CACNA1G: variants seen among roughly 807,000 people sequenced by gnomAD.
The protein encoded by CACNA1G is voltage-dependent T-type calcium channel subunit alpha-1G.
CACNA1G carries 67 observed loss-of-function variants against 219.4 expected under a neutral mutation model. That is an observed-to-expected ratio of 0.31 (90% CI 0.25 to 0.37). The LOEUF (loss-of-function observed/expected upper bound fraction) is 0.37. Ranked by LOEUF, CACNA1G falls within the 10% of genes least tolerant of loss-of-function variation. CACNA1G has a pLI of 1.00. For missense variants in CACNA1G, 2,380 were observed against 3,231.4 expected, an observed-to-expected ratio of 0.74 and a Z score of 6.39; for synonymous variants, 1,296 against 1,345.3, an observed-to-expected ratio of 0.96 and a Z score of 0.80.
chr17:50,589,772 C>T (rs1306868525), intron 9 of CACNA1G, among the ~76,000 whole-genome samples: 1 of 152,122 alleles, frequency 6.6e-6, no homozygotes, highest in Non-Finnish European at 1.5e-5. Context: ...GAGGATTAAC[C>T]CGGGTGTCCC....
In CACNA1G at chr17:50,609,952, G is replaced by T; in HGVS notation, c.4759+17G>T. ...CTGCGTCAGGTACTGCGTCTGGGGTGTGGGCTCATGCGTGTGGGGACATGC... is the reference window on the plus strand; with the variant it reads ...CTGCGTCAGGTACTGCGTCTGGGGTTTGGGCTCATGCGTGTGGGGACATGC... On this transcript the variant is annotated intron_variant, in intron 26 of 37. Transcript: ENST00000359106. 6.2e-7 allele frequency: 1 copy of T among 1,606,498 alleles called. No homozygotes were observed. The highest frequency in any genetic ancestry group is 8.5e-7 in the Non-Finnish European group (1 of 1,177,672).
chr17:50,600,897 G>A lies in CACNA1G; in HGVS notation c.3791+71G>A, dbSNP rs1297686558. On this transcript the variant is annotated intron_variant, in intron 18 of 37. Transcript: ENST00000359106. This position sits in a 1 kb window ranked among gnomAD's most constrained non-coding sequence, Gnocchi z 4.1. Reference sequence around the variant, plus strand: ...CTCACGGGAAATTACCGCTGGTGATGCTGTCAGGGATTTGAGAAGTGGCAC... The same window carrying A: ...CTCACGGGAAATTACCGCTGGTGATACTGTCAGGGATTTGAGAAGTGGCAC... 2 of 1,568,414 alleles carry A rather than the reference G, an allele frequency of 1.3e-6. No individual in the cohort carries two copies. The highest frequency in any genetic ancestry group is 1.1e-5 in the South Asian group (1 of 90,114).
chr17:50,587,287 T>A (rs553832842), intron 9 of CACNA1G, among the ~76,000 whole-genome samples: 5 of 152,244 alleles, frequency 3.3e-5, no homozygotes, highest in African/African-American at 1.2e-4. Context: ...GAGCCTCAGT[T>A]TCCCAGACTA....
chr17:50,595,491 C>T (rs1231226960), intron 14 of CACNA1G, among the ~76,000 whole-genome samples: 1 of 152,272 alleles, frequency 6.6e-6, no homozygotes, highest in Non-Finnish European at 1.5e-5. Context: ...CCCCTTGCCC[C>T]AGGCCCCTGT....
chr17:50,605,323 T>C (rs968304619), intron 22 of CACNA1G, among the ~76,000 whole-genome samples: 2 of 152,226 alleles, frequency 1.3e-5, no homozygotes, highest in Admixed American at 1.3e-4. Context: ...GCTCCCTTTC[T>C]GCTACCTGCT....
At chr17:50,608,875 C>A (rs1019671402) in intron 25 of CACNA1G, among the ~76,000 whole-genome samples, 5 of 152,202 alleles carry the variant, frequency 3.3e-5, no homozygotes, top group Non-Finnish European at 7.3e-5. Flanking sequence ...CCAGGGCTCC[C>A]ATCTGCCTGG....
At chr17:50,605,805 T>C in intron 22 of CACNA1G, 93 bp from the exon 23 acceptor site, 1 of 1,417,446 alleles carries the variant, frequency 7.1e-7, no homozygotes, top group Non-Finnish European at 9.8e-7. Context: ...TCACTCAAAA[T>C]GTGCCCAGGC....
chr17:50,613,699 G>T (rs1050990806), intron 26 of CACNA1G, among the ~76,000 whole-genome samples: 1 of 152,244 alleles, frequency 6.6e-6, no homozygotes, highest in Non-Finnish European at 1.5e-5. Context: ...AGCATAATGG[G>T]ATCGGGTGCT....
Position 50,561,528 on chromosome 17 carries a change from C to T in CACNA1G, c.69C>T (p.Asn23=). 1.3e-6 allele frequency: 2 copies of T among 1,537,882 alleles called. No homozygotes were observed. Among genetic ancestry groups the T allele is most frequent in the East Asian group, 2.4e-5 (1 of 40,838 alleles). ...AGCCCCGGAGCTTCATGCGGCTCAA[C>T]GACCTGTCGGGGGCCGGGGGCCGGC... The part of the protein sequence containing the change: ...SGQPRSFMRL[N]DLSGAGGRPG... The change falls in exon 1 of 38, where the codon AAC becomes AAT. Residue 23 remains asparagine (N), a synonymous_variant. Coordinates refer to ENST00000359106, the MANE Select transcript of CACNA1G (RefSeq NM_018896.5).
rs570613810 is a variant in CACNA1G at position 50,618,913 on chromosome 17, G to A, written c.5686G>A (p.Glu1896Lys). The A allele has an allele frequency of 3.7e-5, 60 of 1,607,712 alleles. 1 individual carries two copies. In the Middle Eastern group the frequency reaches 6.7e-4, roughly 18 times the overall value. Residue 1896 changes from glutamate to lysine, a missense_variant, in exon 33 of 38, where the codon GAG becomes AAG. Glu to Lys is a moderately conservative substitution (Grantham distance 56). This residue lies in a region of CACNA1G where 672 missense variants were observed against 670.5 expected (regional missense o/e 1.00). Coordinates refer to ENST00000359106, the MANE Select transcript of CACNA1G (RefSeq NM_018896.5). This position sits in a 1 kb window ranked among gnomAD's most constrained non-coding sequence, Gnocchi z 5.3. The stretch of plus-strand genomic sequence containing the variant: ...CAGCCCCTTCCTCTGGCCTGGGGTC[G>A]AGGGCCCCGACAGCCCCGACAGCCC... ...LGSPFLWPGV[E>K]GPDSPDSPKP...
intron 8 of CACNA1G, among the ~76,000 whole-genome samples, chr17:50,576,670 A>G (rs962508401): frequency 2.0e-5 from 3 of 152,180 alleles, no homozygotes; most frequent in Non-Finnish European, 2.9e-5. Context: ...CTCTCTACCC[A>G]TTAAGTGATA....
chr17:50,581,144 G>T (rs1481441589), intron 9 of CACNA1G, among the ~76,000 whole-genome samples: 1 of 151,900 alleles, frequency 6.6e-6, no homozygotes, highest in African/African-American at 2.4e-5. Flanking sequence ...GGGGAGAAAG[G>T]ATATGGAGGG....
chr17:50,621,904 GC>G lies in CACNA1G; in HGVS notation c.6060+112del. Reference sequence around the variant, plus strand: ...TGGGGCCGCCTCCTCTCAGTTTGCTGCCAGGCTCCACCCAGAGGCATCAACT... The same window carrying G: ...TGGGGCCGCCTCCTCTCAGTTTGCTGCAGGCTCCACCCAGAGGCATCAACT... On this transcript the variant is annotated intron_variant, in intron 35 of 37. Coordinates refer to ENST00000359106, the MANE Select transcript of CACNA1G (RefSeq NM_018896.5). The surrounding 1 kb of genome is among the most constrained non-coding windows in gnomAD (Gnocchi z 4.6). 1 of 1,228,806 alleles carries G rather than the reference GC, an allele frequency of 8.1e-7. No homozygotes were observed. The highest frequency in any genetic ancestry group is 1.2e-6 in the Non-Finnish European group (1 of 868,816). 76.1% of individuals were successfully genotyped at this position (1,228,806 alleles called of 1,614,324 possible).
chr17:50,593,724 A>G (rs2044873425), intron 13 of CACNA1G, among the ~76,000 whole-genome samples: 1 of 152,202 alleles, frequency 6.6e-6, no homozygotes, highest in Non-Finnish European at 1.5e-5. Flanking sequence ...GGTCTCACTC[A>G]GGATGCGGTG....
At chr17:50,607,353 A>G (rs1327776890) in intron 24 of CACNA1G, 4 of 366,436 alleles carry the variant, frequency 1.1e-5, no homozygotes, top group Non-Finnish European at 2.1e-5. Context: ...AAAAATAAAA[A>G]CAATTAGCCG....
intron 28 of CACNA1G, 86 bp downstream of exon 28, chr17:50,616,470 G>T: frequency 1.3e-6 from 1 of 786,014 alleles, no homozygotes; most frequent in South Asian, 1.8e-5. Context: ...AAGACCTAGT[G>T]TCTAAGACTT....
At chr17:50,575,201 C>T (rs1182684014) in intron 7 of CACNA1G, among the ~76,000 whole-genome samples, 2 of 152,150 alleles carry the variant, frequency 1.3e-5, no homozygotes, top group African/African-American at 2.4e-5. Flanking sequence ...TGCAGGTGTG[C>T]GTGTTTAGGG....
chr17:50,612,911 A>C (rs2049547464), intron 26 of CACNA1G, among the ~76,000 whole-genome samples: 1 of 152,208 alleles, frequency 6.6e-6, no homozygotes, highest in Non-Finnish European at 1.5e-5. Flanking sequence ...CTATGGTTGG[A>C]GCTCTCAAAG....
chr17:50,602,242 G>T (rs4793664), intron 19 of CACNA1G, among the ~76,000 whole-genome samples: 17 of 152,120 alleles, frequency 1.1e-4, no homozygotes, highest in Admixed American at 1.0e-3. Flanking sequence ...CACCCTGCCC[G>T]CCACCTCTCT....
Sources: gnomAD v4.1 joint callset for allele counts (sites outside exome capture counted in the v4.1 genomes callset) on GRCh38, gnomAD v4.1.1 for gene constraint, gnomAD v4.1.1 regional missense constraint, Gnocchi (gnomAD v3.1) non-coding constraint, MANE v1.5 for transcripts, NCBI Gene and HGNC (gene_info 2026-07-23, HGNC 2026-07-21) for gene names.